Variants in GPC5 observed in about 807,000 individuals in gnomAD.
GPC5 encodes the protein glypican-5.
Under a neutral mutation model 53.9 loss-of-function variants are expected in GPC5, and 47 were observed. The ratio of observed to expected loss-of-function variants is 0.87; its 90% CI spans 0.69 to 1.11. GPC5 has a LOEUF of 1.11. Ranked by LOEUF, GPC5 falls within the 50% of genes most tolerant of loss-of-function variation. The pLI is 0.00. For missense variants in GPC5, 748 were observed against 713.1 expected, an observed-to-expected ratio of 1.05 and a Z score of -0.56; for synonymous variants, 286 against 263.3, an observed-to-expected ratio of 1.09 and a Z score of -0.84.
At chr13:92,343,667 T>G (rs1443629536) in intron 7 of GPC5, among the ~76,000 whole-genome samples, 2 of 152,084 alleles carry the variant, frequency 1.3e-5, no homozygotes, top group African/African-American at 4.8e-5. Context: ...AATTAAATTT[T>G]CAATAATTTT....
intron 7 of GPC5, among the ~76,000 whole-genome samples, chr13:92,538,077 A>G (rs1881782214): frequency 6.6e-6 from 1 of 152,092 alleles, no homozygotes; most frequent in South Asian, 2.1e-4. Flanking sequence ...TAGAACTACA[A>G]CTAAAGTGTT....
chr13:91,627,578 G>A (rs1200665889), intron 2 of GPC5, among the ~76,000 whole-genome samples: 1 of 152,082 alleles, frequency 6.6e-6, no homozygotes, highest in Non-Finnish European at 1.5e-5. Context: ...AATCTCTATA[G>A]ATGGTGTTTG....
chr13:91,430,601 G>A (rs1164517803), intron 1 of GPC5, among the ~76,000 whole-genome samples: 1 of 152,120 alleles, frequency 6.6e-6, no homozygotes, highest in South Asian at 2.1e-4. Flanking sequence ...AGAAACTCAG[G>A]ATGAAGCAAA....
chr13:91,873,043 T>G (rs1164986240), intron 5 of GPC5, among the ~76,000 whole-genome samples: 1 of 152,240 alleles, frequency 6.6e-6, no homozygotes, highest in East Asian at 1.9e-4. Flanking sequence ...GATGCAGTAT[T>G]TTTCTATCAG....
At chr13:92,546,735 G>A (rs981232895) in intron 7 of GPC5, among the ~76,000 whole-genome samples, 4 of 152,132 alleles carry the variant, frequency 2.6e-5, no homozygotes, top group Admixed American at 1.3e-4. Context: ...AAAGAACAAA[G>A]CTGGAGGCAT....
rs372535790 is a variant in GPC5 at position 92,237,368 on chromosome 13, C to T, written c.1561+92379C>T. Among the ~76,000 whole-genome samples, 98 of 152,048 alleles carry T rather than the reference C, an allele frequency of 6.4e-4. 3 individuals are homozygous for T. Among genetic ancestry groups the T allele is most frequent in the African/African-American group, 2.2e-3 (90 of 41,478 alleles). ...CTGAGTAGCTGGGACTACAGGCACG[C>T]ACCACCAAGCATAGTTAATTTTTGT... On this transcript the variant is annotated intron_variant, in intron 7 of 7. Transcript: ENST00000377067.
intron 7 of GPC5, among the ~76,000 whole-genome samples, chr13:92,380,337 C>G (rs1201070264): frequency 6.6e-6 from 1 of 152,164 alleles, no homozygotes; most frequent in African/African-American, 2.4e-5. Context: ...GAAAACTCAT[C>G]AAATTTCCTT....
intron 2 of GPC5, among the ~76,000 whole-genome samples, chr13:91,624,869 A>G (rs1252019354): frequency 6.6e-6 from 1 of 151,898 alleles, no homozygotes; most frequent in African/African-American, 2.4e-5. Context: ...AATACTTTAT[A>G]TAACCAAATA....
intron 7 of GPC5, among the ~76,000 whole-genome samples, chr13:92,205,303 A>G (rs1177751057): frequency 1.3e-5 from 2 of 152,186 alleles, no homozygotes; most frequent in African/African-American, 4.8e-5. Flanking sequence ...GTTTCATTAC[A>G]TAGGCATGAT....
chr13:92,680,689 C>A (rs1355440971), intron 7 of GPC5, among the ~76,000 whole-genome samples: 1 of 152,076 alleles, frequency 6.6e-6, no homozygotes, highest in Non-Finnish European at 1.5e-5. Context: ...TAATAAACAA[C>A]ATGACCAATG....
chr13:91,967,788 T>C (rs931281497), intron 6 of GPC5, among the ~76,000 whole-genome samples: 4 of 152,124 alleles, frequency 2.6e-5, no homozygotes, highest in African/African-American at 9.6e-5. Context: ...TTAATATTTA[T>C]TAGCATGTAA....
At chr13:92,631,402 A>G (rs1355319571) in intron 7 of GPC5, among the ~76,000 whole-genome samples, 2 of 152,162 alleles carry the variant, frequency 1.3e-5, no homozygotes, top group Admixed American at 6.5e-5. Flanking sequence ...AAAACATGAT[A>G]TAATATCAAG....
In GPC5 at chr13:91,591,238, G is replaced by T. The variant is rs1414712; in HGVS notation, c.326-101949G>T. 8.8e-3 allele frequency among the ~76,000 whole-genome samples: 1,335 copies of T among 152,240 alleles called. 21 individuals carry two copies. Among genetic ancestry groups the T allele is most frequent in the African/African-American group, 0.03 (1,257 of 41,552 alleles). On this transcript the variant is annotated intron_variant, in intron 2 of 7. Coordinates refer to ENST00000377067, the MANE Select transcript of GPC5 (RefSeq NM_004466.6). ...TTCCACCAGAAATTGGGTTATAAGT[G>T]CTACTCACCTCCTCAGGGACCTTCT...
chr13:91,727,462 C>G (rs1423492209), intron 3 of GPC5, among the ~76,000 whole-genome samples: 1 of 152,084 alleles, frequency 6.6e-6, no homozygotes, highest in African/African-American at 2.4e-5. Flanking sequence ...ATTACAAGCT[C>G]TATTAGGAGA....
chr13:91,481,898 G>A (rs991273017), intron 2 of GPC5, among the ~76,000 whole-genome samples: 5 of 152,072 alleles, frequency 3.3e-5, no homozygotes, highest in Non-Finnish European at 5.9e-5. Context: ...TATCATCCAG[G>A]AATGAGTGGC....
At chr13:91,990,969 C>T (rs1333936875) in intron 6 of GPC5, among the ~76,000 whole-genome samples, 1 of 152,166 alleles carries the variant, frequency 6.6e-6, no homozygotes. Context: ...TTATGGTAGT[C>T]TCATTCACTG....
At chr13:91,892,477 AT>A (rs1454164448) in intron 5 of GPC5, among the ~76,000 whole-genome samples, 3 of 151,680 alleles carry the variant, frequency 2.0e-5, no homozygotes, top group Non-Finnish European at 4.4e-5. Flanking sequence ...TACATTTTTC[AT>A]TAAAAACATT....
chr13:92,416,890 A>G (rs1876325840), intron 7 of GPC5, among the ~76,000 whole-genome samples: 1 of 152,216 alleles, frequency 6.6e-6, no homozygotes, highest in Non-Finnish European at 1.5e-5. Context: ...TAACCCATTT[A>G]AAATACAAAT....
At chr13:91,569,962 C>A (rs1164935078) in intron 2 of GPC5, among the ~76,000 whole-genome samples, 1 of 152,048 alleles carries the variant, frequency 6.6e-6, no homozygotes, top group Non-Finnish European at 1.5e-5. Context: ...TTTGTTACAG[C>A]AGGACAAATG....
Sources: allele counts gnomAD v4.1 joint callset (sites outside exome capture counted in the v4.1 genomes callset), GRCh38; gene constraint gnomAD v4.1.1; transcripts MANE v1.5; gene names NCBI Gene and HGNC (gene_info 2026-07-23, HGNC 2026-07-21).